RYR1: variants seen among roughly 807,000 people sequenced by gnomAD.
RYR1 encodes central core disease of muscle.
Under a neutral mutation model 583.5 loss-of-function variants are expected in RYR1, and 342 were observed. That is an observed-to-expected ratio of 0.59 (90% confidence interval 0.54 to 0.64). RYR1 has a LOEUF of 0.64. Among genes scored for constraint, RYR1 ranks in the 30% least tolerant of loss-of-function variants. RYR1 has a pLI of 0.00. For missense variants in RYR1, 6,032 were observed against 6,917.2 expected (o/e 0.87, Z 4.54); for synonymous variants, 2,791 against 2,822.5 (o/e 0.99, Z 0.35).
Position 38,587,496 on chromosome 19 carries a change from T to C in RYR1, c.*76T>C. 7 of 1,042,384 alleles carry C rather than the reference T, an allele frequency of 6.7e-6. No individual in the cohort carries two copies. Among genetic ancestry groups the C allele is most frequent in the African/African-American group, 1.6e-5 (1 of 63,650 alleles). 64.6% of individuals were successfully genotyped at this position (1,042,384 alleles called of 1,614,324 possible). A position where few individuals can be genotyped will look rare whatever the true frequency, so the allele number is the denominator to read the frequency against. On this transcript the variant is annotated 3_prime_UTR_variant, in exon 106 of 106. Transcript: ENST00000359596. ...GCAAGCCCCTTAGTCCCCAAGCCCC[T>C]CCCCCTAAGGCAGCTGGGGGAGAGG...
chr19:38,504,334 G>A lies in RYR1; in HGVS notation c.8041G>A (p.Gly2681Ser), dbSNP rs1005729855. The change falls in exon 50 of 106, where the codon GGC becomes AGC. Residue 2681 changes from glycine (G) to serine (S), a missense_variant. Physicochemically the swap from Gly to Ser is moderately conservative, Grantham distance 56 (BLOSUM62 0). Transcript: ENST00000359596. ...GCACCTCACACGGAAACTCTTCTGG[G>A]GCATCTTTGACTCTCTGGCCCATAA... ...ELHLTRKLFW[G>S]IFDSLAHKKY... 6.2e-7 allele frequency: 1 copy of A among 1,614,108 alleles called. No individual in the cohort carries two copies. Among genetic ancestry groups the A allele is most frequent in the Admixed American group, 1.7e-5 (1 of 60,016 alleles).
chr19:38,504,261 C>T lies in RYR1; in HGVS notation c.7968C>T (p.Cys2656=). The T allele has an allele frequency of 6.2e-7, 1 of 1,614,046 alleles. No individual in the cohort carries two copies. Among genetic ancestry groups the T allele is most frequent in the Non-Finnish European group, 8.5e-7 (1 of 1,179,978 alleles). ...NHYERCWKYY[C]LPTGWANFGV... is the part of the protein sequence containing the mutation. The stretch of plus-strand genomic sequence containing the variant: ...ATGAGCGCTGTTGGAAGTACTACTG[C>T]CTACCCACGGGCTGGGCCAACTTCG... Residue 2656 remains cysteine, a synonymous_variant, in exon 50 of 106, where the codon TGC becomes TGT. Transcript: ENST00000359596.
chr19:38,461,814 G>A (rs1361084218), intron 20 of RYR1, among the ~76,000 whole-genome samples: 4 of 151,392 alleles, frequency 2.6e-5, no homozygotes, highest in Non-Finnish European at 5.9e-5. Context: ...CAGCACTTTG[G>A]GAGGCTGAGG....
chr19:38,512,003 ATGTAGAGGGAGGCAC>A lies in RYR1; in HGVS notation c.9173-65_9173-51del, dbSNP rs1226358073. The A allele has an allele frequency of 3.9e-6, 6 of 1,534,766 alleles. No homozygotes were observed. In the African/African-American group the frequency reaches 6.9e-5, roughly 18 times the overall value. ...CTCAGGAAGAGAGCGGTTGGGGTGG[ATGTAGAGGGAGGCAC>A]TGTCCTCTGTCCTCTTAGCCATGGC... On this transcript the variant is annotated intron_variant, in intron 61 of 105. Transcript: ENST00000359596. The surrounding 1 kb of genome is among the most constrained non-coding windows in gnomAD (Gnocchi z 5.1).
chr19:38,458,831 G>A (rs1967572008), intron 18 of RYR1, among the ~76,000 whole-genome samples: 1 of 152,098 alleles, frequency 6.6e-6, no homozygotes, highest in Non-Finnish European at 1.5e-5. Context: ...CACCACATTG[G>A]CCAGGCTGGT....
intron 97 of RYR1, among the ~76,000 whole-genome samples, chr19:38,577,234 A>T (rs1054210728): frequency 6.6e-6 from 1 of 151,744 alleles, no homozygotes; most frequent in Admixed American, 6.6e-5. Context: ...TGTACCTCAT[A>T]CTCAAAGTGG....
At chr19:38,481,197 G>A (rs1352108453) in intron 31 of RYR1, among the ~76,000 whole-genome samples, 3 of 152,014 alleles carry the variant, frequency 2.0e-5, no homozygotes, top group Non-Finnish European at 4.4e-5. Context: ...TGCAATCTTG[G>A]CTTACTGCAG....
chr19:38,469,175 G>C, intron 26 of RYR1, 35 bp downstream of exon 26: 6 of 1,613,450 alleles, frequency 3.7e-6, no homozygotes, highest in Non-Finnish European at 3.4e-6. Flanking sequence ...GCCCTTTCTT[G>C]TTTTCCTCTG....
rs902028098 is a variant in RYR1, at chr19:38,579,851, C to G, written c.14365-131C>G. ...TTCTCACCCGGAATGCCCTGATCCT[C>G]CATGTACTCCCCAAACAGAGCTGGC... On this transcript the variant is annotated intron_variant, in intron 99 of 105. Transcript: ENST00000359596. The G allele has an allele frequency of 3.5e-6, 4 of 1,152,100 alleles. No individual in the cohort carries two copies. The Admixed American group carries it at 6.8e-5, about 20-fold the overall frequency. The allele number at this position is 1,152,100 out of a possible 1,614,324, so 71.4% of individuals were successfully genotyped here.
rs933766474 is a variant in RYR1 at position 38,559,290 on chromosome 19, A to G, written c.12283-1823A>G. On this transcript the variant is annotated intron_variant, in intron 89 of 105. Coordinates refer to ENST00000359596, the MANE Select transcript of RYR1 (RefSeq NM_000540.3). Reference sequence around the variant, plus strand: ...GCTCTTATTGCCCAGGCTAGGTGCAATGGCACAATCTTGGCTCACTGCAAC... The same window carrying G: ...GCTCTTATTGCCCAGGCTAGGTGCAGTGGCACAATCTTGGCTCACTGCAAC... Among the ~76,000 whole-genome samples the G allele has an allele frequency of 3.4e-5, 5 of 145,094 alleles. 1 individual carries two copies. Among genetic ancestry groups the G allele is most frequent in the South Asian group, 2.2e-4 (1 of 4,542 alleles).
chr19:38,452,055 A>C (rs1201859025), intron 12 of RYR1, among the ~76,000 whole-genome samples, 170 bp downstream of exon 12: 1 of 147,348 alleles, frequency 6.8e-6, no homozygotes, highest in Non-Finnish European at 1.5e-5. Flanking sequence ...TTGGGAGGGC[A>C]AGGCATGAGG....
At chr19:38,435,153 C>T (rs1972370619) in intron 1 of RYR1, among the ~76,000 whole-genome samples, 1 of 152,230 alleles carries the variant, frequency 6.6e-6, no homozygotes, top group Non-Finnish European at 1.5e-5. Context: ...CTAATTATAT[C>T]CTTGCTGCCC....
rs538319782 is a variant in RYR1, at chr19:38,496,797, G to T, written c.6797-63G>T. 6.7e-7 allele frequency: 1 copy of T among 1,502,262 alleles called. No homozygotes were observed. Among genetic ancestry groups the T allele is most frequent in the Non-Finnish European group, 9.3e-7 (1 of 1,079,654 alleles). 93.1% of individuals were successfully genotyped at this position (1,502,262 alleles called of 1,614,324 possible). A position where few individuals can be genotyped will look rare whatever the true frequency, so the allele number is the denominator to read the frequency against. On this transcript the variant is annotated intron_variant, in intron 41 of 105. Transcript: ENST00000359596. The surrounding 1 kb of genome is among the most constrained non-coding windows in gnomAD (Gnocchi z 4.8). ...GGCTGGAAAAAGGGTGGTCAGGGAG[G>T]GCTTCCCAGAGGAGGCGAGACAAGC...
chr19:38,528,798 G>A (rs1971600931), intron 75 of RYR1, 103 bp downstream of exon 75: 5 of 1,428,800 alleles, frequency 3.5e-6, no homozygotes, highest in Non-Finnish European at 4.9e-6. Context: ...ACATCAAGGG[G>A]TATAGAAATG....
In RYR1 at chr19:38,485,704, T is replaced by A. The variant is rs1159318273; in HGVS notation, c.5049T>A (p.Ala1683=). ...TGGGCAACAATCGCGTGGCGCACGCTCTGTGCAGCCACGTAGACCAAGCTC... is the reference window on the plus strand; with the variant it reads ...TGGGCAACAATCGCGTGGCGCACGCACTGTGCAGCCACGTAGACCAAGCTC... ...CALGNNRVAH[A]LCSHVDQAQL... The change falls in exon 34 of 106, where the codon GCT becomes GCA. Residue 1683 remains alanine (A), a synonymous_variant. Coordinates refer to ENST00000359596, the MANE Select transcript of RYR1 (RefSeq NM_000540.3). 6.2e-7 allele frequency: 1 copy of A among 1,611,658 alleles called. No homozygotes were observed. The highest frequency in any genetic ancestry group is 8.5e-7 in the Non-Finnish European group (1 of 1,179,858).
rs753341929 is a variant in RYR1 at position 38,500,780 on chromosome 19, G to T, written c.7445-41G>T. On this transcript the variant is annotated intron_variant, in intron 46 of 105. Transcript: ENST00000359596. The surrounding 1 kb of genome is among the most constrained non-coding windows in gnomAD (Gnocchi z 5.9). ...AGTGATGCTGGGGAGGGAGCGGCTG[G>T]GTCCGCAGGGCATCCCCGAACCCAC... is the stretch of plus-strand genomic sequence containing the variant. 1 of 1,614,012 alleles carries T rather than the reference G, an allele frequency of 6.2e-7. No homozygotes were observed.
At chr19:38,493,041 C>G (rs1301650320) in intron 38 of RYR1, among the ~76,000 whole-genome samples, 1 of 151,898 alleles carries the variant, frequency 6.6e-6, no homozygotes, top group Non-Finnish European at 1.5e-5. Context: ...TGCACTCCAG[C>G]CTGGGTGACA....
intron 1 of RYR1, among the ~76,000 whole-genome samples, chr19:38,435,902 TTTTG>T (rs1454660464): frequency 1.3e-5 from 2 of 152,162 alleles, no homozygotes; most frequent in African/African-American, 2.4e-5. Context: ...GTTGTTTTGT[TTTTG>T]TTTATTTATT....
Position 38,535,145 on chromosome 19 carries a change from G to C in RYR1, c.11364G>C (p.Glu3788Asp). The stretch of plus-strand genomic sequence containing the variant: ...TTTTTCTCCCACTCCCTCCAGGAGA[G>C]ACAGGTGCCATGGTGTCCTCCACCC... ...VLQMISACKG[E>D]TGAMVSSTLK... Residue 3788 changes from glutamate to aspartate, a missense_variant, in exon 80 of 106, where the codon GAG becomes GAC. Glu to Asp is a conservative substitution (Grantham distance 45). This residue lies in a region of RYR1 where 1,493 missense variants were observed against 1,715.5 expected (regional missense o/e 0.87). Coordinates refer to ENST00000359596, the MANE Select transcript of RYR1 (RefSeq NM_000540.3). The C allele has an allele frequency of 6.2e-7, 1 of 1,613,736 alleles. No homozygotes were observed.
Sources: gnomAD v4.1 joint callset for allele counts (sites outside exome capture counted in the v4.1 genomes callset) on GRCh38, gnomAD v4.1.1 for gene constraint, gnomAD v4.1.1 regional missense constraint, Gnocchi (gnomAD v3.1) non-coding constraint, MANE v1.5 for transcripts, NCBI Gene and HGNC (gene_info 2026-07-23, HGNC 2026-07-21) for gene names.